The following FBXO17 variants were observed in gnomAD, a reference collection of about 807,000 sequenced individuals.
FBXO17 encodes the protein F-box only protein 17.
A neutral mutation model predicts 34.1 loss-of-function variants in FBXO17; 43 were observed. The ratio of observed to expected loss-of-function variants is 1.26; its 90% CI spans 0.99 to 1.62. The LOEUF (loss-of-function observed/expected upper bound fraction) is 1.62, where lower values mean the gene tolerates loss of function less well. FBXO17 is among the 40% of genes most tolerant of loss of function. The pLI, the probability that FBXO17 is intolerant of heterozygous loss-of-function variation, is 0.00. For synonymous variants in FBXO17, 169 were observed against 166.0 expected (o/e 1.02, Z -0.14); for missense variants, 424 against 386.7 (o/e 1.10, Z -0.81).
At chr19:38,956,559 G>T (rs942884034) in intron 1 of FBXO17, among the ~76,000 whole-genome samples, 1 of 152,058 alleles carries the variant, frequency 6.6e-6, no homozygotes, top group Non-Finnish European at 1.5e-5. Context: ...GCCAATAAAT[G>T]CCACTAAATG....
chr19:38,949,826 C>T, intron 2 of FBXO17, 145 bp downstream of exon 2: 1 of 1,046,290 alleles, frequency 9.6e-7, no homozygotes, highest in Non-Finnish European at 1.3e-6. Context: ...GCCTACCGCC[C>T]AGGCACTGCG....
At chr19:38,961,314 C>A (rs1201114648) in intron 1 of FBXO17, among the ~76,000 whole-genome samples, 2 of 141,884 alleles carry the variant, frequency 1.4e-5, no homozygotes, top group South Asian at 4.4e-4. Context: ...CTTACTCTGT[C>A]ACCCAGGCTG....
At position 38,941,517 on chromosome 19, in the gene FBXO17, T is replaced by C. The variant is rs546220786; in HGVS notation, c.*1091A>G. 3.0e-4 allele frequency: 46 copies of C among 152,320 alleles called. 1 individual carries two copies. The highest frequency in any genetic ancestry group is 1.1e-3 in the African/African-American group (45 of 41,560). 9.4% of individuals were successfully genotyped at this position (152,320 alleles called of 1,614,324 possible). A position where few individuals can be genotyped will look rare whatever the true frequency, so the allele number is the denominator to read the frequency against. ...CAGTGATAAGCATTATTTCTATAGA[T>C]TATAGATTAACTAAAAACATTTCTT... On this transcript the variant is annotated 3_prime_UTR_variant, in exon 6 of 6. Coordinates refer to ENST00000292852, the MANE Select transcript of FBXO17 (RefSeq NM_024907.7).
intron 1 of FBXO17, among the ~76,000 whole-genome samples, chr19:38,956,265 C>CAAAA (rs374424636): frequency 4.4e-5 from 5 of 112,560 alleles, no homozygotes; most frequent in African/African-American, 1.5e-4. Context: ...GACTCTGTCT[C>CAAAA]AAAAAAAAAA....
chr19:38,968,530 A>G (rs891614887), intron 1 of FBXO17, among the ~76,000 whole-genome samples: 1 of 151,988 alleles, frequency 6.6e-6, no homozygotes, highest in African/African-American at 2.4e-5. Context: ...ATAAACTTAT[A>G]TGAAACCTAG....
In FBXO17 at chr19:38,946,465, C is replaced by G; in HGVS notation, c.557+7G>C. On this transcript the variant is annotated splice_region_variant and intron_variant, in intron 4 of 5. Coordinates refer to ENST00000292852, the MANE Select transcript of FBXO17 (RefSeq NM_024907.7). Reference sequence around the variant, plus strand: ...TGCTCTGGGGCAGGGTGCCGCTCCTCACTCACCAGTCAGCCACACAGATCT... The same window carrying G: ...TGCTCTGGGGCAGGGTGCCGCTCCTGACTCACCAGTCAGCCACACAGATCT... 1 of 1,613,956 alleles carries G rather than the reference C, an allele frequency of 6.2e-7. No homozygotes were observed. The highest frequency in any genetic ancestry group is 8.5e-7 in the Non-Finnish European group (1 of 1,179,858).
chr19:38,968,213 G>C (rs552742739), intron 1 of FBXO17, among the ~76,000 whole-genome samples: 24 of 152,066 alleles, frequency 1.6e-4, no homozygotes, highest in South Asian at 1.5e-3. Flanking sequence ...CAGATACTCG[G>C]GAGGCTAAGG....
intron 4 of FBXO17, 194 bp downstream of exon 4, chr19:38,946,278 C>T: frequency 2.1e-6 from 2 of 945,072 alleles, no homozygotes; most frequent in Non-Finnish European, 1.5e-6. Context: ...GGCAGGAGTG[C>T]AGAGTGGGGG....
intron 1 of FBXO17, among the ~76,000 whole-genome samples, chr19:38,955,071 C>T (rs1048092522): frequency 2.6e-5 from 4 of 151,356 alleles, no homozygotes; most frequent in African/African-American, 9.7e-5. Flanking sequence ...ACTGAGACTA[C>T]AGGCGCCCAC....
intron 1 of FBXO17, among the ~76,000 whole-genome samples, chr19:38,965,814 A>G (rs564865284): frequency 1.3e-4 from 20 of 150,210 alleles, no homozygotes; most frequent in African/African-American, 4.4e-4. Flanking sequence ...GCTAATTTTT[A>G]TATTTTTAGT....
At chr19:38,962,023 TAG>T (rs1975257326) in intron 1 of FBXO17, among the ~76,000 whole-genome samples, 1 of 150,446 alleles carries the variant, frequency 6.6e-6, no homozygotes, top group South Asian at 2.1e-4. Flanking sequence ...TGGAATCATA[TAG>T]AGTGTCGGCT....
At chr19:38,968,129 G>A (rs1229931568) in intron 1 of FBXO17, among the ~76,000 whole-genome samples, 1 of 151,998 alleles carries the variant, frequency 6.6e-6, no homozygotes, top group Non-Finnish European at 1.5e-5. Context: ...GACCAGCCTG[G>A]CCAACATGGT....
At chr19:38,958,699 G>T (rs1159619403) in intron 1 of FBXO17, among the ~76,000 whole-genome samples, 1 of 152,074 alleles carries the variant, frequency 6.6e-6, no homozygotes, top group East Asian at 1.9e-4. Flanking sequence ...CTACCCAAAG[G>T]GACCCAGGAT....
intron 3 of FBXO17, among the ~76,000 whole-genome samples, chr19:38,947,667 G>A (rs1239965443): frequency 2.0e-5 from 3 of 152,098 alleles, no homozygotes; most frequent in Non-Finnish European, 4.4e-5. Flanking sequence ...AACTGTAGAG[G>A]TGGCACCATC....
intron 1 of FBXO17, among the ~76,000 whole-genome samples, chr19:38,964,452 C>T (rs1975294296): frequency 6.6e-6 from 1 of 152,114 alleles, no homozygotes; most frequent in African/African-American, 2.4e-5. Context: ...TCTCCTGCCT[C>T]AGCCTCCCAT....
chr19:38,950,089 C>T lies in FBXO17; in HGVS notation c.231G>A (p.Val77=), dbSNP rs763397355. 71 of 1,566,748 alleles carry T rather than the reference C, an allele frequency of 4.5e-5. 3 individuals carry two copies. The South Asian group carries it at 4.9e-4, about 11-fold the overall frequency. The part of the protein sequence containing the change: ...RSAEGRALYA[V]AQRCLPSNED... ...CGTTGCTGGGCAGGCAGCGTTGAGC[C>T]ACTGCGTAGAGTGCGCGGCCCTCGG... is the stretch of plus-strand genomic sequence containing the variant. Residue 77 remains valine, a synonymous_variant, in exon 2 of 6, where the codon GTG becomes GTA. Transcript: ENST00000292852.
At chr19:38,970,668 GTA>G (rs1054577119) in intron 1 of FBXO17, among the ~76,000 whole-genome samples, 5 of 152,266 alleles carry the variant, frequency 3.3e-5, no homozygotes, top group South Asian at 2.1e-4. Context: ...ATGAGGTTTT[GTA>G]TAGTCTTTAG....
chr19:38,966,816 ACT>A (rs1975327478), intron 1 of FBXO17, among the ~76,000 whole-genome samples: 1 of 152,228 alleles, frequency 6.6e-6, no homozygotes, highest in South Asian at 2.1e-4. Context: ...TGGGAAAAAG[ACT>A]CTTTTCAACA....
chr19:38,949,677 C>T (rs1465093172), intron 2 of FBXO17: 2 of 510,442 alleles, frequency 3.9e-6, no homozygotes, highest in Non-Finnish European at 6.8e-6. Context: ...TCCCACCGCG[C>T]CTGGCCCCTG....
Sources: allele counts gnomAD v4.1 joint callset (sites outside exome capture counted in the v4.1 genomes callset), GRCh38; gene constraint gnomAD v4.1.1; transcripts MANE v1.5; gene names NCBI Gene and HGNC (gene_info 2026-07-23, HGNC 2026-07-21).